The following SLC35G5 variants were observed in gnomAD, a reference collection of about 807,000 sequenced individuals.
SLC35G5 encodes acyl-malonyl condensing enzyme 1-like 2.
Under a neutral mutation model 17.6 loss-of-function variants are expected in SLC35G5, and 14 were observed. The ratio of observed to expected loss-of-function variants is 0.79; its 90% CI spans 0.52 to 1.24. The LOEUF (loss-of-function observed/expected upper bound fraction) is 1.24, where lower values mean the gene tolerates loss of function less well. Among genes scored for constraint, SLC35G5 ranks in the 50% most tolerant of loss-of-function variants. SLC35G5 has a pLI of 0.00. For synonymous variants in SLC35G5, 236 were observed against 194.9 expected (o/e 1.21, Z -1.76); for missense variants, 541 against 430.3 (o/e 1.26, Z -2.28).
chr8:11,331,738 G>C lies in SLC35G5; in HGVS notation c.632G>C (p.Arg211Pro), dbSNP rs139573688. The stretch of plus-strand genomic sequence containing the variant: ...CTGTCCCTGGGGCTTCTGGTCTATC[G>C]TTCTCTGCACTTTCCCTCCTGCCTC... ...LALSLGLLVYRSLHFPSCLPT... is the reference protein window; with the variant it reads ...LALSLGLLVYPSLHFPSCLPT... The change falls in exon 1 of 1, where the codon CGT (arginine) becomes CCT (proline). Residue 211 changes from arginine (R) to proline (P), a missense_variant. Coordinates refer to ENST00000382435, the MANE Select transcript of SLC35G5 (RefSeq NM_054028.2). 1.9e-6 allele frequency: 3 copies of C among 1,611,898 alleles called. No individual in the cohort carries two copies. The highest frequency in any genetic ancestry group is 2.2e-5 in the East Asian group (1 of 44,872).
chr8:11,331,877 G>T lies in SLC35G5; in HGVS notation c.771G>T (p.Gly257=). The T allele has an allele frequency of 6.2e-7, 1 of 1,612,018 alleles. No homozygotes were observed. Residue 257 remains glycine (G), a synonymous_variant, in exon 1 of 1, where the codon GGG becomes GGT. Coordinates refer to ENST00000382435, the MANE Select transcript of SLC35G5 (RefSeq NM_054028.2). Reference sequence around the variant, plus strand: ...ACCTCCTGAGTTGGAGTTGTGTGGGGGCAGAGGGGATCCTCGCCTTGGTCT... The same window carrying T: ...ACCTCCTGAGTTGGAGTTGTGTGGGTGCAGAGGGGATCCTCGCCTTGGTCT... ...PSDLLSWSCV[G]AEGILALVSF...
In SLC35G5 at chr8:11,331,335, T is replaced by C; in HGVS notation, c.229T>C (p.Cys77Arg). ...LPSLELLICR[C>R]LFHLPIALLL... ...CTCGCTGGAGCTGCTCATCTGTCGA[T>C]GCCTCTTCCACCTCCCTATTGCCCT... The change falls in exon 1 of 1, where the codon TGC (cysteine) becomes CGC (arginine). Residue 77 changes from cysteine to arginine, a missense_variant. Cys to Arg is a radical substitution (Grantham distance 180). Transcript: ENST00000382435. The C allele has an allele frequency of 6.2e-7, 1 of 1,613,994 alleles. No homozygotes were observed. Among genetic ancestry groups the C allele is most frequent in the Admixed American group, 1.7e-5 (1 of 60,018 alleles).
At position 11,331,570 on chromosome 8, in the gene SLC35G5, G is replaced by A; in HGVS notation, c.464G>A (p.Gly155Asp). The A allele has an allele frequency of 6.2e-7, 1 of 1,613,852 alleles. No individual in the cohort carries two copies. The highest frequency in any genetic ancestry group is 8.5e-7 in the Non-Finnish European group (1 of 1,179,842). The change falls in exon 1 of 1, where the codon GGT becomes GAT. Residue 155 changes from glycine to aspartate, a missense_variant. Coordinates refer to ENST00000382435, the MANE Select transcript of SLC35G5 (RefSeq NM_054028.2). ...CTCTGCCTTGAGAGCCAGGGTCTCG[G>A]TGGCTACGAGTGGTGTGGACTGTTG... Reference protein sequence around the residue: ...LTLCLESQGLGGYEWCGLLGS... With the variant: ...LTLCLESQGLDGYEWCGLLGS...
Position 11,331,610 on chromosome 8 carries a change from A to C in SLC35G5, c.504A>C (p.Gly168=). The change falls in exon 1 of 1, where the codon GGA becomes GGC. Residue 168 remains glycine, a synonymous_variant. Transcript: ENST00000382435. ...EWCGLLGSIL[G]LIIILGPGLW... ...GTGGACTGTTGGGCAGCATCCTAGG[A>C]CTAATCATCATTCTGGGACCTGGAC... 2 of 1,613,128 alleles carry C rather than the reference A, an allele frequency of 1.2e-6. No homozygotes were observed. Among genetic ancestry groups the C allele is most frequent in the Non-Finnish European group, 8.5e-7 (1 of 1,179,770 alleles).
In SLC35G5 at chr8:11,331,509, A is replaced by G; in HGVS notation, c.403A>G (p.Lys135Glu). The change falls in exon 1 of 1, where the codon AAA becomes GAA. Residue 135 changes from lysine to glutamate, a missense_variant. Physicochemically the swap from Lys to Glu is moderately conservative, Grantham distance 56 (BLOSUM62 1). Coordinates refer to ENST00000382435, the MANE Select transcript of SLC35G5 (RefSeq NM_054028.2). ...CGCTGGCAACGCTGCCACTGTTCGC[A>G]AAGGTTCTTCCACCGTATGCTCCGC... ...VPAGNAATVR[K>E]GSSTVCSAVL... 6.2e-7 allele frequency: 1 copy of G among 1,613,248 alleles called. No individual in the cohort carries two copies. Among genetic ancestry groups the G allele is most frequent in the East Asian group, 2.2e-5 (1 of 44,796 alleles).
In SLC35G5 at chr8:11,331,497, G is replaced by C. The variant is rs949859067; in HGVS notation, c.391G>C (p.Ala131Pro). The part of the protein sequence containing the change: ...AVQVVPAGNA[A>P]TVRKGSSTVC... ...TCAGGTGGTGCCCGCTGGCAACGCT[G>C]CCACTGTTCGCAAAGGTTCTTCCAC... Residue 131 changes from alanine to proline, a missense_variant, in exon 1 of 1, where the codon GCC becomes CCC. Coordinates refer to ENST00000382435, the MANE Select transcript of SLC35G5 (RefSeq NM_054028.2). The C allele has an allele frequency of 1.2e-6, 2 of 1,613,778 alleles. No individual in the cohort carries two copies. Among genetic ancestry groups the C allele is most frequent in the African/African-American group, 2.7e-5 (2 of 74,884 alleles).
Position 11,331,070 on chromosome 8 carries a change from C to A in SLC35G5, c.-37C>A. On this transcript the variant is annotated 5_prime_UTR_variant, in exon 1 of 1. Transcript: ENST00000382435. ...GCTGGAGCTCTGAGGGGCCCAGGCT[C>A]CCTGAGCCAGGAGGAGAGGAGAAAG... is the stretch of plus-strand genomic sequence containing the variant. 3.2e-6 allele frequency: 5 copies of A among 1,561,034 alleles called. No homozygotes were observed. Among genetic ancestry groups the A allele is most frequent in the Non-Finnish European group, 3.5e-6 (4 of 1,156,408 alleles).
At position 11,331,250 on chromosome 8, in the gene SLC35G5, C is replaced by T. The variant is rs1237678014; in HGVS notation, c.144C>T (p.Gly48=). ...TGCTGGTGGCCCTGCTGGGTGGGGG[C>T]CTGCCTGCTGGCTTCGTGGGCCCCC... The part of the protein sequence containing the change: ...NGLLVALLGG[G]LPAGFVGPLS... The change falls in exon 1 of 1, where the codon GGC becomes GGT. Residue 48 remains glycine (G), a synonymous_variant. Transcript: ENST00000382435. 6.2e-7 allele frequency: 1 copy of T among 1,613,728 alleles called. No individual in the cohort carries two copies. Among genetic ancestry groups the T allele is most frequent in the Non-Finnish European group, 8.5e-7 (1 of 1,179,936 alleles).
Position 11,331,743 on chromosome 8 carries a change from C to G in SLC35G5, c.637C>G (p.Leu213Val), listed in dbSNP as rs144998869. The change falls in exon 1 of 1, where the codon CTG (leucine) becomes GTG (valine). Residue 213 changes from leucine to valine, a missense_variant. Transcript: ENST00000382435. ...LSLGLLVYRSLHFPSCLPTVA... is the reference protein window; with the variant it reads ...LSLGLLVYRSVHFPSCLPTVA... ...CCTGGGGCTTCTGGTCTATCGTTCT[C>G]TGCACTTTCCCTCCTGCCTCCCAAC... 1.7e-4 allele frequency: 276 copies of G among 1,611,382 alleles called. 1 individual carries two copies. Among genetic ancestry groups the G allele is most frequent in the Middle Eastern group, 4.5e-4 (2 of 4,432 alleles).
In SLC35G5 at chr8:11,331,969, C is replaced by T. The variant is rs775191323; in HGVS notation, c.863C>T (p.Ser288Phe). Reference protein sequence around the residue: ...HPALVCAVLHSEVVVALILQY... With the variant: ...HPALVCAVLHFEVVVALILQY... ...GCCCTGGTGTGCGCTGTCCTGCATT[C>T]CGAGGTGGTTGTGGCCCTTATACTG... Residue 288 changes from serine to phenylalanine, a missense_variant, in exon 1 of 1, where the codon TCC becomes TTC. Coordinates refer to ENST00000382435, the MANE Select transcript of SLC35G5 (RefSeq NM_054028.2). 1.2e-6 allele frequency: 2 copies of T among 1,612,016 alleles called. No individual in the cohort carries two copies. The highest frequency in any genetic ancestry group is 1.7e-5 in the Admixed American group (1 of 60,024).
In SLC35G5 at chr8:11,331,031, A is replaced by G. The variant is rs13253735; in HGVS notation, c.-76A>G. The G allele has an allele frequency of 0.46, 694,312 of 1,508,112 alleles. 160,745 individuals carry two copies. The highest frequency in any genetic ancestry group is 0.69 in the East Asian group (29,660 of 42,682). 93.4% of individuals were successfully genotyped at this position (1,508,112 alleles called of 1,614,324 possible). A position where few individuals can be genotyped will look rare whatever the true frequency, so the allele number is the denominator to read the frequency against. Reference sequence around the variant, plus strand: ...AGGGAAGAACCCCACCCGCACTCCAATGAGGTCACAATGGCTGGAGCTCTG... The same window carrying G: ...AGGGAAGAACCCCACCCGCACTCCAGTGAGGTCACAATGGCTGGAGCTCTG... On this transcript the variant is annotated 5_prime_UTR_variant, in exon 1 of 1. The change abolishes an upstream ATG in the 5' untranslated region. Transcript: ENST00000382435.
chr8:11,331,273 C>T lies in SLC35G5; in HGVS notation c.167C>T (p.Pro56Leu), dbSNP rs143349475. 2 of 1,614,006 alleles carry T rather than the reference C, an allele frequency of 1.2e-6. No homozygotes were observed. The highest frequency in any genetic ancestry group is 1.3e-5 in the African/African-American group (1 of 75,066). Reference protein sequence around the residue: ...GGGLPAGFVGPLSRMAYQGSN... With the variant: ...GGGLPAGFVGLLSRMAYQGSN... ...GGCCTGCCTGCTGGCTTCGTGGGCCCCCTTTCTCGTATGGCTTACCAGGGT... is the reference window on the plus strand; with the variant it reads ...GGCCTGCCTGCTGGCTTCGTGGGCCTCCTTTCTCGTATGGCTTACCAGGGT... Residue 56 changes from proline (P) to leucine (L), a missense_variant, in exon 1 of 1, where the codon CCC (proline) becomes CTC (leucine). Transcript: ENST00000382435.
In SLC35G5 at chr8:11,332,210, A is replaced by AG; in HGVS notation, c.*87_*88insG. ...ACAAAAAAAAAATAAAAGAAAAAAA[A>AG]TAATTATAATAAATCCTAGGAAAGA... On this transcript the variant is annotated 3_prime_UTR_variant, in exon 1 of 1. Coordinates refer to ENST00000382435, the MANE Select transcript of SLC35G5 (RefSeq NM_054028.2). 1 of 1,497,818 alleles carries AG rather than the reference A, an allele frequency of 6.7e-7. No individual in the cohort carries two copies. Among genetic ancestry groups the AG allele is most frequent in the Non-Finnish European group, 8.9e-7 (1 of 1,124,042 alleles). The allele number at this position is 1,497,818 out of a possible 1,614,324, so 92.8% of individuals were successfully genotyped here.
At position 11,331,451 on chromosome 8, in the gene SLC35G5, T is replaced by C. The variant is rs1408247033; in HGVS notation, c.345T>C (p.Ile115=). ...GTGCCCTGCTCAACGTCCTCAGCAT[T>C]GGATGTGCCTACAGTGCAGTTCAGG... ...CFCALLNVLS[I]GCAYSAVQVV... is the part of the protein sequence containing the mutation. Residue 115 remains isoleucine, a synonymous_variant, in exon 1 of 1, where the codon ATT becomes ATC. Transcript: ENST00000382435. 1 of 1,613,872 alleles carries C rather than the reference T, an allele frequency of 6.2e-7. No homozygotes were observed. Among genetic ancestry groups the C allele is most frequent in the Admixed American group, 1.7e-5 (1 of 59,994 alleles).
At position 11,331,245 on chromosome 8, in the gene SLC35G5, G is replaced by A. The variant is rs565907975; in HGVS notation, c.139G>A (p.Gly47Arg). 1.2e-6 allele frequency: 2 copies of A among 1,613,840 alleles called. No homozygotes were observed. The highest frequency in any genetic ancestry group is 2.2e-5 in the East Asian group (1 of 44,872). ...TNGLLVALLG[G>R]GLPAGFVGPL... is the part of the protein sequence containing the mutation. Reference sequence around the variant, plus strand: ...TGGCCTGCTGGTGGCCCTGCTGGGTGGGGGCCTGCCTGCTGGCTTCGTGGG... The same window carrying A: ...TGGCCTGCTGGTGGCCCTGCTGGGTAGGGGCCTGCCTGCTGGCTTCGTGGG... Residue 47 changes from glycine (G) to arginine (R), a missense_variant, in exon 1 of 1, where the codon GGG becomes AGG. Transcript: ENST00000382435.
In SLC35G5 at chr8:11,332,202, G is replaced by T. The variant is rs1801264661; in HGVS notation, c.*79G>T. On this transcript the variant is annotated 3_prime_UTR_variant, in exon 1 of 1. Transcript: ENST00000382435. ...GACTGAAGACAAAAAAAAAATAAAA[G>T]AAAAAAAATAATTATAATAAATCCT... 1.3e-6 allele frequency: 2 copies of T among 1,509,468 alleles called. No individual in the cohort carries two copies. The highest frequency in any genetic ancestry group is 2.4e-5 in the Admixed American group (1 of 41,552). The allele number at this position is 1,509,468 out of a possible 1,614,324, so 93.5% of individuals were successfully genotyped here. A position where few individuals can be genotyped will look rare whatever the true frequency, so the allele number is the denominator to read the frequency against.
rs1801209290 is a variant in SLC35G5 at position 11,331,233 on chromosome 8, G to T, written c.127G>T (p.Ala43Ser). ...TGGTGCCACCAATGGCCTGCTGGTG[G>T]CCCTGCTGGGTGGGGGCCTGCCTGC... is the stretch of plus-strand genomic sequence containing the variant. ...PSGATNGLLV[A>S]LLGGGLPAGF... Residue 43 changes from alanine to serine, a missense_variant, in exon 1 of 1, where the codon GCC (alanine) becomes TCC (serine). By Grantham distance (99) the Ala-to-Ser change is moderately conservative. Coordinates refer to ENST00000382435, the MANE Select transcript of SLC35G5 (RefSeq NM_054028.2). 1 of 1,613,810 alleles carries T rather than the reference G, an allele frequency of 6.2e-7. No homozygotes were observed. Among genetic ancestry groups the T allele is most frequent in the African/African-American group, 1.3e-5 (1 of 74,922 alleles).
chr8:11,332,088 C>G lies in SLC35G5; in HGVS notation c.982C>G (p.Leu328Val), dbSNP rs765798784. 4 of 1,611,580 alleles carry G rather than the reference C, an allele frequency of 2.5e-6. No homozygotes were observed. Among genetic ancestry groups the G allele is most frequent in the South Asian group, 1.1e-5 (1 of 90,974 alleles). The change falls in exon 1 of 1, where the codon CTC (leucine) becomes GTC (valine). Residue 328 changes from leucine (L) to valine (V), a missense_variant. Transcript: ENST00000382435. ...CATTGCCATCATTACAGCCCGGAAC[C>G]TCAGCTGTGAGAGGACAGGGAAGGT... ...GSIAIITARN[L>V]SCERTGKVEE
rs149297938 is a variant in SLC35G5 at position 11,331,712 on chromosome 8, G to A, written c.606G>A (p.Ala202=). ...TGCAGGCTTTCCTGGGAGGCCTGGC[G>A]CTGTCCCTGGGGCTTCTGGTCTATC... ...GYVQAFLGGL[A]LSLGLLVYRS... Residue 202 remains alanine (A), a synonymous_variant, in exon 1 of 1, where the codon GCG becomes GCA. Transcript: ENST00000382435. The A allele has an allele frequency of 1.5e-4, 249 of 1,611,954 alleles. 3 individuals carry two copies. The highest frequency in any genetic ancestry group is 1.8e-4 in the Non-Finnish European group (215 of 1,179,828).
Sources: allele counts gnomAD v4.1 joint callset, GRCh38; gene constraint gnomAD v4.1.1; transcripts MANE v1.5; gene names NCBI Gene and HGNC (gene_info 2026-07-23, HGNC 2026-07-21).